NTSR2: variants seen among roughly 807,000 people sequenced by gnomAD.
NTSR2 encodes neurotensin receptor type 2.
A neutral mutation model predicts 24.1 loss-of-function variants in NTSR2; 22 were observed. The observed-to-expected ratio is 0.91, with a 90% CI of 0.65 to 1.30. The LOEUF (loss-of-function observed/expected upper bound fraction) is 1.30. NTSR2 is among the 50% of genes most tolerant of loss of function. NTSR2 has a pLI of 0.00. For synonymous variants in NTSR2, 291 were observed against 267.0 expected (o/e 1.09, Z -0.88); for missense variants, 570 against 570.4 (o/e 1.00, Z 0.01).
intron 1 of NTSR2, 46 bp downstream of exon 1, chr2:11,669,460 G>GGGGCGGGGGGGCCCC: frequency 3.9e-6 from 1 of 254,726 alleles, no homozygotes; most frequent in Non-Finnish European, 6.9e-6. Flanking sequence ...TCCCAGCACC[G>GGGGCGGGGGGGCCCC]CCCCCCCACC....
chr2:11,666,860 G>T (rs923933129), intron 1 of NTSR2, among the ~76,000 whole-genome samples: 6 of 152,170 alleles, frequency 3.9e-5, no homozygotes, highest in Non-Finnish European at 7.4e-5. Context: ...GGACAGGTGG[G>T]AAGGCCCTGA....
rs61753869 is a variant in NTSR2 at position 11,658,549 on chromosome 2, G to A, written c.1163C>T (p.Pro388Leu). Residue 388 changes from proline (P) to leucine (L), a missense_variant, in exon 4 of 4, where the codon CCG becomes CTG. By Grantham distance (98) the Pro-to-Leu change is moderately conservative. Coordinates refer to ENST00000306928, the MANE Select transcript of NTSR2 (RefSeq NM_012344.4). ...GEHHPMKRLPPKPQSPTLMDT... is the reference protein window; with the variant it reads ...GEHHPMKRLPLKPQSPTLMDT... Reference sequence around the variant, plus strand: ...CATTAGGGTGGGACTCTGGGGCTTCGGGGGTAACCGCTTCATGGGGTGGTG... The same window carrying A: ...CATTAGGGTGGGACTCTGGGGCTTCAGGGGTAACCGCTTCATGGGGTGGTG... 0.016 allele frequency: 25,147 copies of A among 1,614,112 alleles called. 3,269 individuals are homozygous for A. The African/African-American group carries it at 0.29, about 19-fold the overall frequency.
rs1661079509 is a variant in NTSR2, at chr2:11,661,949, T to C, written c.898+18A>G. On this transcript the variant is annotated intron_variant, in intron 2 of 3. Transcript: ENST00000306928. ...CTTAGGCCCCTTTCTTCTGGGGTGA[T>C]GTTACAGAGGACTTAACTGAGAACC... 6.5e-7 allele frequency: 1 copy of C among 1,535,440 alleles called. No homozygotes were observed. The highest frequency in any genetic ancestry group is 8.8e-7 in the Non-Finnish European group (1 of 1,139,368).
intron 1 of NTSR2, among the ~76,000 whole-genome samples, chr2:11,668,985 A>G (rs1299298533): frequency 6.6e-6 from 1 of 152,052 alleles, no homozygotes; most frequent in African/African-American, 2.4e-5. Flanking sequence ...CGGGAGCAAG[A>G]GGTGTGGGGG....
intron 2 of NTSR2, among the ~76,000 whole-genome samples, chr2:11,660,613 T>G (rs1317730591): frequency 6.6e-6 from 1 of 152,132 alleles, no homozygotes; most frequent in East Asian, 1.9e-4. Context: ...TGGTGGCAGG[T>G]GCCTGTAATC....
In NTSR2 at chr2:11,669,545, CG is replaced by C; in HGVS notation, c.584del (p.Thr195ArgfsTer4). 1 of 1,533,608 alleles carries C rather than the reference CG, an allele frequency of 6.5e-7. No individual in the cohort carries two copies. On this transcript the variant is annotated frameshift_variant, in exon 1 of 4. Coordinates refer to ENST00000306928, the MANE Select transcript of NTSR2 (RefSeq NM_012344.4). LOFTEE classifies it high-confidence loss of function. ...GGAGCGCGGTGCGGCTCACCAGCAC[CG>C]TGCACACTCGCGAGGCGGGCTCCGG... is the stretch of plus-strand genomic sequence containing the variant. ...GEPEPASRVC[T>X]VLVSRTALQV... is the part of the protein sequence containing the mutation.
In NTSR2 at chr2:11,658,382, C is replaced by G; in HGVS notation, c.*97G>C. The G allele has an allele frequency of 6.7e-7, 1 of 1,496,110 alleles. No individual in the cohort carries two copies. Among genetic ancestry groups the G allele is most frequent in the South Asian group, 1.4e-5 (1 of 73,174 alleles). 92.7% of individuals were successfully genotyped at this position (1,496,110 alleles called of 1,614,324 possible). ...GGGTTGATAGAAGTCGCCCTGGCTG[C>G]GAAGCTTGAATGATTAGTGATGAGG... On this transcript the variant is annotated 3_prime_UTR_variant, in exon 4 of 4. Transcript: ENST00000306928.
intron 3 of NTSR2, among the ~76,000 whole-genome samples, chr2:11,659,410 A>T (rs193169507): frequency 6.6e-6 from 1 of 152,242 alleles, no homozygotes; most frequent in African/African-American, 2.4e-5. Flanking sequence ...GGTTCTCTGC[A>T]GTGGGAAGCG....
Position 11,658,704 on chromosome 2 carries a change from G to A in NTSR2, c.1008C>T (p.Tyr336=). 6.2e-7 allele frequency: 1 copy of A among 1,614,190 alleles called. No individual in the cohort carries two copies. The highest frequency in any genetic ancestry group is 8.5e-7 in the Non-Finnish European group (1 of 1,180,032). Residue 336 remains tyrosine, a synonymous_variant, in exon 4 of 4, where the codon TAC becomes TAT. Coordinates refer to ENST00000306928, the MANE Select transcript of NTSR2 (RefSeq NM_012344.4). ...DAWTDPLYNF[Y]HYFYMVTNTL... ...TGTTGGTCACCATGTAGAAGTAGTG[G>A]TAGAAATTGTACAGTGGGCTGCAAG...
At chr2:11,667,599 C>T (rs1661232574) in intron 1 of NTSR2, among the ~76,000 whole-genome samples, 1 of 152,186 alleles carries the variant, frequency 6.6e-6, no homozygotes, top group Non-Finnish European at 1.5e-5. Context: ...CCTGCCTTAG[C>T]CTCCCAAAGT....
At position 11,659,687 on chromosome 2, in the gene NTSR2, G is replaced by A. The variant is rs117237899; in HGVS notation, c.989+356C>T. 2.1e-4 allele frequency among the ~76,000 whole-genome samples: 32 copies of A among 152,300 alleles called. 1 individual carries two copies. In the East Asian group the frequency reaches 6.2e-3, roughly 29 times the overall value. ...TGTTAGCTCCTGGGGTCGCACCTTT[G>A]TGTCTTCCTCACACTCTCCTTGGAA... On this transcript the variant is annotated intron_variant, in intron 3 of 3. Transcript: ENST00000306928.
At position 11,658,596 on chromosome 2, in the gene NTSR2, G is replaced by A. The variant is rs202107509; in HGVS notation, c.1116C>T (p.Ala372=). 1.0e-4 allele frequency: 168 copies of A among 1,614,190 alleles called. 2 individuals carry two copies. The Middle Eastern group carries it at 2.1e-3, about 21-fold the overall frequency. ...SSSFRKLFLE[A]VSSLCGEHHP... ...GGTGCTCTCCACACAGGGAGCTGAC[G>A]GCTTCCAGGAAGAGTTTTCTGAAGG... The change falls in exon 4 of 4, where the codon GCC becomes GCT. Residue 372 remains alanine, a synonymous_variant. Coordinates refer to ENST00000306928, the MANE Select transcript of NTSR2 (RefSeq NM_012344.4).
At chr2:11,661,521 A>C (rs76224146) in intron 2 of NTSR2, among the ~76,000 whole-genome samples, 7,669 of 152,256 alleles carry the variant, frequency 0.05, 261 homozygotes, top group Non-Finnish European at 0.079. Context: ...TTCTCTTACA[A>C]GGCCAAATTT....
chr2:11,666,164 C>A (rs1428613667), intron 1 of NTSR2, among the ~76,000 whole-genome samples: 2 of 152,132 alleles, frequency 1.3e-5, no homozygotes, highest in African/African-American at 4.8e-5. Flanking sequence ...CTGGGAAGAT[C>A]TCCCAGGCAA....
intron 3 of NTSR2, 29 bp downstream of exon 3, chr2:11,660,014 G>C (rs2148482871): frequency 6.3e-7 from 1 of 1,592,168 alleles, no homozygotes; most frequent in African/African-American, 1.3e-5. Context: ...CCCCCTCCCT[G>C]TGTGCTAGGG....
intron 3 of NTSR2, 71 bp downstream of exon 3, chr2:11,659,972 G>A (rs771538448): frequency 2.4e-6 from 3 of 1,239,588 alleles, no homozygotes; most frequent in Non-Finnish European, 3.6e-6. Flanking sequence ...CCTCTGGAGA[G>A]CAATGGAGAC....
Position 11,669,578 on chromosome 2 carries a change from G to A in NTSR2, c.552C>T (p.Asp184=). ...MGQKHELETA[D]GEPEPASRVC... ...CTCGCGAGGCGGGCTCCGGCTCCCC[G>A]TCCGCCGTCTCGAGTTCGTGCTTCT... Residue 184 remains aspartate, a synonymous_variant, in exon 1 of 4, where the codon GAC becomes GAT. Coordinates refer to ENST00000306928, the MANE Select transcript of NTSR2 (RefSeq NM_012344.4). 6.3e-7 allele frequency: 1 copy of A among 1,575,056 alleles called. No individual in the cohort carries two copies. The highest frequency in any genetic ancestry group is 8.6e-7 in the Non-Finnish European group (1 of 1,168,376).
chr2:11,658,722 G>C lies in NTSR2; in HGVS notation c.990C>G (p.Asp330Glu), dbSNP rs746003384. 6 of 1,613,248 alleles carry C rather than the reference G, an allele frequency of 3.7e-6. No homozygotes were observed. In the South Asian group the frequency reaches 6.6e-5, roughly 18 times the overall value. The stretch of plus-strand genomic sequence containing the variant: ...AGTAGTGGTAGAAATTGTACAGTGG[G>C]CTGCAAGAGAAACCCGGGAGCCTGG... ...YCYVPDDAWT[D>E]PLYNFYHYFY... The change falls in exon 4 of 4, where the codon GAC (aspartate) becomes GAG (glutamate). Residue 330 changes from aspartate to glutamate, a missense_variant and splice_region_variant. Coordinates refer to ENST00000306928, the MANE Select transcript of NTSR2 (RefSeq NM_012344.4).
intron 1 of NTSR2, among the ~76,000 whole-genome samples, chr2:11,667,986 G>T (rs936113802): frequency 1.3e-5 from 2 of 152,204 alleles, no homozygotes; most frequent in Non-Finnish European, 2.9e-5. Flanking sequence ...CTGTTGCCAG[G>T]ACAGCCACTC....
Sources: gnomAD v4.1 joint callset for allele counts (sites outside exome capture counted in the v4.1 genomes callset) on GRCh38, gnomAD v4.1.1 for gene constraint, MANE v1.5 for transcripts, NCBI Gene and HGNC (gene_info 2026-07-23, HGNC 2026-07-21) for gene names.